MEIOB: variants seen among roughly 807,000 people sequenced by gnomAD.
The protein encoded by MEIOB is meiosis specific with OB-fold.
Under a neutral mutation model 53.1 loss-of-function variants are expected in MEIOB, and 50 were observed. The observed-to-expected ratio is 0.94, with a 90% confidence interval of 0.75 to 1.19. The LOEUF (loss-of-function observed/expected upper bound fraction) is 1.19. MEIOB is among the 50% of genes most tolerant of loss of function. The pLI is 0.00. For missense variants in MEIOB, 551 were observed against 550.8 expected (o/e 1.00, Z 0.00); for synonymous variants, 192 against 182.5 (o/e 1.05, Z -0.42).
At chr16:1,840,863 T>A (rs1898887593) in intron 11 of MEIOB, among the ~76,000 whole-genome samples, 1 of 151,806 alleles carries the variant, frequency 6.6e-6, no homozygotes, top group Non-Finnish European at 1.5e-5. Flanking sequence ...TTATTATTTC[T>A]TATACATCCA....
chr16:1,868,663 G>C (rs563768183), intron 1 of MEIOB, among the ~76,000 whole-genome samples: 1 of 151,954 alleles, frequency 6.6e-6, no homozygotes, highest in Non-Finnish European at 1.5e-5. Context: ...AGACCATCCC[G>C]GCTAACATGC....
At chr16:1,867,998 AT>A in intron 2 of MEIOB, 108 bp downstream of exon 2, 2 of 627,344 alleles carry the variant, frequency 3.2e-6, no homozygotes, top group Non-Finnish European at 5.7e-6. Flanking sequence ...ATGAGTATCT[AT>A]ATACTTGCCA....
intron 3 of MEIOB, among the ~76,000 whole-genome samples, chr16:1,864,073 G>C (rs903283048): frequency 6.6e-5 from 10 of 152,318 alleles, no homozygotes; most frequent in African/African-American, 2.2e-4. Flanking sequence ...AAGACCACTT[G>C]AGCCCAGGGT....
intron 9 of MEIOB, among the ~76,000 whole-genome samples, chr16:1,849,377 T>C (rs1348554211): frequency 6.6e-6 from 1 of 151,952 alleles, no homozygotes; most frequent in Non-Finnish European, 1.5e-5. Context: ...ACCCCGTCTC[T>C]ACTAAAAAAT....
chr16:1,845,479 C>T (rs1899006184), intron 9 of MEIOB, among the ~76,000 whole-genome samples: 1 of 151,750 alleles, frequency 6.6e-6, no homozygotes, highest in Non-Finnish European at 1.5e-5. Flanking sequence ...GAGATAGCGC[C>T]ACTGCACTCC....
At chr16:1,869,890 G>A (rs866450057) in intron 1 of MEIOB, among the ~76,000 whole-genome samples, 9 of 35,736 alleles carry the variant, frequency 2.5e-4, no homozygotes, top group African/African-American at 5.5e-4. Context: ...TTTTTTTTTT[G>A]AGACGGAGTC....
chr16:1,837,995 A>G (rs1340652637), intron 12 of MEIOB, 125 bp from the exon 13 acceptor site: 9 of 1,443,314 alleles, frequency 6.2e-6, no homozygotes, highest in Non-Finnish European at 8.2e-6. Flanking sequence ...TTACAGCTCA[A>G]TCGTTTGTTT....
intron 1 of MEIOB, among the ~76,000 whole-genome samples, chr16:1,868,446 T>C (rs772717872): frequency 7.9e-5 from 12 of 151,718 alleles, no homozygotes; most frequent in Non-Finnish European, 2.9e-5. Context: ...AAGAAGTGCT[T>C]GAACCTGGGA....
chr16:1,863,372 A>G (rs1431263849), intron 3 of MEIOB, among the ~76,000 whole-genome samples: 3 of 134,094 alleles, frequency 2.2e-5, no homozygotes, highest in African/African-American at 5.7e-5. Context: ...TTTTTTTTTT[A>G]GTAAAAACGG....
At chr16:1,840,543 TA>T (rs1374134561) in intron 11 of MEIOB, among the ~76,000 whole-genome samples, 2 of 23,870 alleles carry the variant, frequency 8.4e-5, no homozygotes, top group African/African-American at 3.3e-4. Flanking sequence ...TCTCTCTTAT[TA>T]TTATTTTTTT....
chr16:1,870,726 G>A (rs568967889), intron 1 of MEIOB, among the ~76,000 whole-genome samples: 1 of 152,292 alleles, frequency 6.6e-6, no homozygotes, highest in East Asian at 1.9e-4. Context: ...AGAAACATTT[G>A]GGAATTAAGC....
At chr16:1,863,067 G>C (rs397160) in intron 3 of MEIOB, among the ~76,000 whole-genome samples, 3 of 151,788 alleles carry the variant, frequency 2.0e-5, no homozygotes, top group East Asian at 1.9e-4. Flanking sequence ...CATCTCTACA[G>C]AAAATTTTAA....
chr16:1,858,940 A>G (rs1234872760), intron 5 of MEIOB, among the ~76,000 whole-genome samples: 2 of 152,210 alleles, frequency 1.3e-5, no homozygotes, highest in East Asian at 3.9e-4. Context: ...AGAATCTGTT[A>G]TATACCAGAC....
In MEIOB at chr16:1,842,623, C is replaced by CAAAAAAAAAAAA. The variant is rs202147878; in HGVS notation, c.881-651_881-650insTTTTTTTTTTTT. 4.6e-3 allele frequency among the ~76,000 whole-genome samples: 448 copies of CAAAAAAAAAAAA among 97,730 alleles called. 42 individuals are homozygous for CAAAAAAAAAAAA. Among genetic ancestry groups the CAAAAAAAAAAAA allele is most frequent in the Non-Finnish European group, 5.3e-3 (252 of 47,864 alleles). 64.1% of individuals were successfully genotyped at this position (97,730 alleles called of 152,430 possible). ...GGGCAACAAGAGCAAAACTCCATCTCAAAAAGACAGTGACTCGATTTTTTT... is the reference window on the plus strand; with the variant it reads ...GGGCAACAAGAGCAAAACTCCATCTCAAAAAAAAAAAAAAAAAGACAGTGACTCGATTTTTTT... On this transcript the variant is annotated intron_variant, in intron 10 of 13. Transcript: ENST00000325962.
At chr16:1,868,061 C>A (rs1160355503) in intron 2 of MEIOB, 46 bp downstream of exon 2, 4 of 1,013,550 alleles carry the variant, frequency 3.9e-6, no homozygotes, top group Admixed American at 4.3e-5. Context: ...AATGTTATCA[C>A]ATAAAATGTC....
At chr16:1,839,741 A>T (rs181171688) in intron 11 of MEIOB, 32 of 286,818 alleles carry the variant, frequency 1.1e-4, no homozygotes, top group African/African-American at 6.4e-4. Context: ...CCCTTCTCGT[A>T]TCCCAGCCTG....
chr16:1,844,932 A>G lies in MEIOB; in HGVS notation c.810T>C (p.Phe270=), dbSNP rs1898994334. The change falls in exon 10 of 14, where the codon TTT becomes TTC. Residue 270 remains phenylalanine (F), a synonymous_variant. Coordinates refer to ENST00000325962, the MANE Select transcript of MEIOB (RefSeq NM_001163560.3). ...CATTCGTTTCTTTATTTTCTCGTATAAAATTCAGCAGAATGTTAGCTTCTG... is the reference window on the plus strand; with the variant it reads ...CATTCGTTTCTTTATTTTCTCGTATGAAATTCAGCAGAATGTTAGCTTCTG... The part of the protein sequence containing the change: ...DIPEANILLN[F]IRENKETNVL... 1 of 1,553,706 alleles carries G rather than the reference A, an allele frequency of 6.4e-7. No homozygotes were observed. The highest frequency in any genetic ancestry group is 2.3e-5 in the East Asian group (1 of 44,028).
chr16:1,860,886 C>T (rs923139093), intron 4 of MEIOB, among the ~76,000 whole-genome samples: 2 of 152,068 alleles, frequency 1.3e-5, no homozygotes, highest in Non-Finnish European at 2.9e-5. Flanking sequence ...CTGCTTGAGA[C>T]CACAGTATTA....
At position 1,865,812 on chromosome 16, in the gene MEIOB, C is replaced by T. The variant is rs761617823; in HGVS notation, c.93G>A (p.Gly31=). 3 of 1,549,100 alleles carry T rather than the reference C, an allele frequency of 1.9e-6. No homozygotes were observed. The highest frequency in any genetic ancestry group is 2.5e-5 in the East Asian group (1 of 40,788). ...CTGGAAAGCCTTTGACATCTGTTTT[C>T]CCAATAACTATACCGATAACTTTCT... ...ANLKVIGIVI[G]KTDVKGFPDR... Residue 31 remains glycine, a synonymous_variant, in exon 3 of 14, where the codon GGG becomes GGA. Coordinates refer to ENST00000325962, the MANE Select transcript of MEIOB (RefSeq NM_001163560.3).
Sources: allele counts gnomAD v4.1 joint callset (sites outside exome capture counted in the v4.1 genomes callset), GRCh38; gene constraint gnomAD v4.1.1; transcripts MANE v1.5; gene names NCBI Gene and HGNC (gene_info 2026-07-23, HGNC 2026-07-21).